ACOT11: variants seen among roughly 807,000 people sequenced by gnomAD.
ACOT11 encodes the protein acyl-coenzyme A thioesterase 11.
In ACOT11, 69 loss-of-function variants were observed where a neutral mutation model predicts 77.5. The ratio of observed to expected loss-of-function variants is 0.89; its 90% confidence interval spans 0.73 to 1.09. The LOEUF is 1.09. ACOT11 is among the 50% of genes least tolerant of loss of function. The pLI is 0.00. For missense variants in ACOT11, 766 were observed against 813.7 expected (o/e 0.94, Z 0.71); for synonymous variants, 279 against 313.0 (o/e 0.89, Z 1.15).
intron 1 of ACOT11, among the ~76,000 whole-genome samples, chr1:54,551,702 CTGTTTTTGTTT>C (rs1362446297): frequency 2.6e-5 from 4 of 151,334 alleles, no homozygotes; most frequent in Non-Finnish European, 4.4e-5. Flanking sequence ...ATGGGGCTGG[CTGTTTTTGTTT>C]TGTTTTTGTT....
intron 1 of ACOT11, among the ~76,000 whole-genome samples, chr1:54,582,885 C>G (rs1024382921): frequency 6.6e-6 from 1 of 152,098 alleles, no homozygotes; most frequent in Non-Finnish European, 1.5e-5. Context: ...CCCATTTCCT[C>G]AGCTCTCCCT....
chr1:54,566,097 CCACCT>C (rs1653720996), intron 1 of ACOT11, among the ~76,000 whole-genome samples: 1 of 152,174 alleles, frequency 6.6e-6, no homozygotes. Context: ...TGGGGTCCTC[CCACCT>C]CACTGACTGC....
chr1:54,566,042 C>T (rs1653719326), intron 1 of ACOT11, among the ~76,000 whole-genome samples: 1 of 152,160 alleles, frequency 6.6e-6, no homozygotes, highest in Non-Finnish European at 1.5e-5. Context: ...ACTCAGAGCT[C>T]ACGCACCAGC....
In ACOT11 at chr1:54,571,433, C is replaced by T. The variant is rs1469759; in HGVS notation, c.34-13222C>T. ...CCAGAGAGCTTGAGGCTGAAGGCAG[C>T]ATCTGGAGTGTGGATGGTGCCGCGT... On this transcript the variant is annotated intron_variant, in intron 1 of 15. Transcript: ENST00000343744. Among the ~76,000 whole-genome samples the T allele has an allele frequency of 3.3e-3, 495 of 152,300 alleles. 1 individual carries two copies. Among genetic ancestry groups the T allele is most frequent in the African/African-American group, 0.011 (450 of 41,582 alleles).
At chr1:54,578,181 A>G (rs1220158451) in intron 1 of ACOT11, among the ~76,000 whole-genome samples, 2 of 147,252 alleles carry the variant, frequency 1.4e-5, no homozygotes, top group Non-Finnish European at 2.9e-5. Context: ...GAACAAACAC[A>G]TTGGCCTGGC....
chr1:54,611,303 C>T (rs1231427065), downstream of ACOT11, among the ~76,000 whole-genome samples: 2 of 152,022 alleles, frequency 1.3e-5, no homozygotes, highest in African/African-American at 2.4e-5. Context: ...GGCATGGTGG[C>T]GCAGGAGAAT....
downstream of ACOT11, chr1:54,611,800 C>T: frequency 1.2e-6 from 2 of 1,606,250 alleles, no homozygotes; most frequent in Non-Finnish European, 1.7e-6. Flanking sequence ...GACCCTCAGC[C>T]CCACTCCTGT....
chr1:54,576,458 A>C (rs989525568), intron 1 of ACOT11, among the ~76,000 whole-genome samples: 15 of 141,310 alleles, frequency 1.1e-4, no homozygotes, highest in Admixed American at 9.0e-4. Flanking sequence ...GGTCACCCCC[A>C]CTGCACTCCA....
At position 54,610,120 on chromosome 1, in the gene ACOT11, A is replaced by G; in HGVS notation, c.*1008A>G. 7.0e-7 allele frequency: 1 copy of G among 1,434,278 alleles called. No homozygotes were observed. The highest frequency in any genetic ancestry group is 9.1e-7 in the Non-Finnish European group (1 of 1,099,888). 88.8% of individuals were successfully genotyped at this position (1,434,278 alleles called of 1,614,324 possible). A position where few individuals can be genotyped will look rare whatever the true frequency, so the allele number is the denominator to read the frequency against. On this transcript the variant is annotated 3_prime_UTR_variant, in exon 16 of 16. Transcript: ENST00000343744. ...GTTGCTTTATAAATGTGCCTGGTGC[A>G]TGAGAAACTCTTGTTTCAGCTCTTG...
chr1:54,633,749 C>A (rs56222683), intron 16 of ACOT11, among the ~76,000 whole-genome samples: 7,104 of 152,262 alleles, frequency 0.047, 286 homozygotes, highest in South Asian at 0.13. Flanking sequence ...TTGGATACGA[C>A]CTGCTCTAGG....
intron 1 of ACOT11, among the ~76,000 whole-genome samples, chr1:54,566,284 C>T (rs1048063652): frequency 2.0e-5 from 3 of 152,080 alleles, no homozygotes; most frequent in Non-Finnish European, 4.4e-5. Context: ...TGGTGATACC[C>T]CATCTCTACT....
chr1:54,608,412 C>CCCATAAAA (rs1644059849), intron 15 of ACOT11, among the ~76,000 whole-genome samples: 1 of 152,044 alleles, frequency 6.6e-6, no homozygotes, highest in Non-Finnish European at 1.5e-5. Context: ...CCCAGCAGCG[C>CCCATAAAA]AGTCCGTGTT....
chr1:54,605,344 G>C, intron 13 of ACOT11, 135 bp downstream of exon 13: 8 of 1,374,912 alleles, frequency 5.8e-6, no homozygotes, highest in Non-Finnish European at 7.7e-6. Flanking sequence ...TCCATGCTGG[G>C]TGGGGGTTCA....
At chr1:54,593,354 G>A (rs1654778905) in intron 4 of ACOT11, among the ~76,000 whole-genome samples, 1 of 151,094 alleles carries the variant, frequency 6.6e-6, no homozygotes, top group African/African-American at 2.4e-5. Flanking sequence ...ATAGCTCACT[G>A]TAACCTCAAA....
chr1:54,612,629 T>G, downstream of ACOT11: 1 of 1,613,996 alleles, frequency 6.2e-7, no homozygotes, highest in Non-Finnish European at 8.5e-7. Flanking sequence ...ACGTCCTGTT[T>G]GGGGACGTGG....
Position 54,594,660 on chromosome 1 carries a change from G to T in ACOT11, c.576G>T (p.Lys192Asn). 1.2e-6 allele frequency: 2 copies of T among 1,613,848 alleles called. No individual in the cohort carries two copies. The highest frequency in any genetic ancestry group is 1.7e-6 in the Non-Finnish European group (2 of 1,179,838). ...RMRLVYADTI[K>N]DLLANCAIQG... ...GCCTTGTCTATGCAGACACCATCAAGGACCTCCTGGCCAACTGCGCCATTC... is the reference window on the plus strand; with the variant it reads ...GCCTTGTCTATGCAGACACCATCAATGACCTCCTGGCCAACTGCGCCATTC... The change falls in exon 6 of 16, where the codon AAG becomes AAT. Residue 192 changes from lysine (K) to asparagine (N), a missense_variant. Coordinates refer to ENST00000343744, the MANE Select transcript of ACOT11 (RefSeq NM_147161.4).
chr1:54,578,040 A>T (rs552666643), intron 1 of ACOT11, among the ~76,000 whole-genome samples: 1 of 152,334 alleles, frequency 6.6e-6, no homozygotes, highest in East Asian at 1.9e-4. Context: ...CAGGCTGTGC[A>T]GGGAGAGCTC....
chr1:54,620,981 G>A (rs181260535), intron 15 of ACOT11, among the ~76,000 whole-genome samples: 33 of 150,046 alleles, frequency 2.2e-4, no homozygotes, highest in Middle Eastern at 3.5e-3. Context: ...GCAACATGGC[G>A]AAACCCCATC....
At chr1:54,556,041 C>A (rs909139279) in intron 1 of ACOT11, among the ~76,000 whole-genome samples, 1 of 152,180 alleles carries the variant, frequency 6.6e-6, no homozygotes, top group Non-Finnish European at 1.5e-5. Context: ...AGCCACTGCA[C>A]CTGGCCTGAT....
Sources: allele counts gnomAD v4.1 joint callset (sites outside exome capture counted in the v4.1 genomes callset), GRCh38; gene constraint gnomAD v4.1.1; transcripts MANE v1.5; gene names NCBI Gene and HGNC (gene_info 2026-07-23, HGNC 2026-07-21).